Variants in FASLG observed in about 807,000 individuals in gnomAD.
FASLG encodes the protein Fas ligand.
In FASLG, 9 loss-of-function variants were observed where a neutral mutation model predicts 24.6. The observed-to-expected ratio is 0.37, with a 90% CI of 0.22 to 0.64. FASLG has a LOEUF of 0.64. Ranked by LOEUF, FASLG falls within the 30% of genes least tolerant of loss-of-function variation. The probability of loss-of-function intolerance (pLI) is 0.64; values close to 1 mark genes in which losing one functional copy is unlikely to be tolerated. For missense variants in FASLG, 306 were observed against 345.3 expected (o/e 0.89, Z 0.90); for synonymous variants, 130 against 135.5 (o/e 0.96, Z 0.28).
chr1:172,665,383 T>G (rs930253428), intron 3 of FASLG, among the ~76,000 whole-genome samples: 2 of 152,190 alleles, frequency 1.3e-5, no homozygotes, highest in African/African-American at 4.8e-5. Context: ...CAATAATTTC[T>G]TACTGCAATG....
chr1:172,662,313 A>C lies in FASLG; in HGVS notation c.395-2021A>C, dbSNP rs141601365. Among the ~76,000 whole-genome samples the C allele has an allele frequency of 2.0e-5, 3 of 152,276 alleles. No individual in the cohort carries two copies. The East Asian group carries it at 5.8e-4, about 29-fold the overall frequency. The stretch of plus-strand genomic sequence containing the variant: ...TCTCTGGGAGATACTATTATAGATT[A>C]TTTATACTTTCTAATTTGCTCCTTT... On this transcript the variant is annotated intron_variant, in intron 2 of 3. Transcript: ENST00000367721.
intron 1 of FASLG, 33 bp downstream of exon 1, chr1:172,659,582 G>A (rs764540366): frequency 3.1e-6 from 5 of 1,611,380 alleles, no homozygotes; most frequent in Non-Finnish European, 4.2e-6. Flanking sequence ...GTGCCCTGGA[G>A]GCACCAGGCA....
chr1:172,661,765 A>G (rs1028466487), intron 2 of FASLG, among the ~76,000 whole-genome samples: 2 of 152,222 alleles, frequency 1.3e-5, no homozygotes, highest in South Asian at 2.1e-4. Flanking sequence ...ATTAATAAAG[A>G]TTAAAAAAAA....
intron 3 of FASLG, 138 bp from the exon 4 acceptor site, chr1:172,665,484 C>T: frequency 1.1e-6 from 1 of 925,876 alleles, no homozygotes; most frequent in Non-Finnish European, 1.7e-6. Flanking sequence ...AAGTTCTGAC[C>T]CCTCAGCCAG....
intron 2 of FASLG, 91 bp from the exon 3 acceptor site, chr1:172,664,243 C>G: frequency 7.2e-7 from 1 of 1,391,188 alleles, no homozygotes; most frequent in Non-Finnish European, 1.0e-6. Context: ...GTTTTAAAAT[C>G]TTTTTTTTAA....
intron 2 of FASLG, among the ~76,000 whole-genome samples, chr1:172,662,901 C>T (rs1659173583): frequency 6.6e-6 from 1 of 152,054 alleles, no homozygotes; most frequent in African/African-American, 2.4e-5. Context: ...GGGTGGTTTG[C>T]GGTGTAGGAA....
chr1:172,664,244 T>G, intron 2 of FASLG, 90 bp from the exon 3 acceptor site: 3 of 1,382,040 alleles, frequency 2.2e-6, no homozygotes, highest in Non-Finnish European at 3.0e-6. Context: ...TTTTAAAATC[T>G]TTTTTTTAAA....
intron 2 of FASLG, among the ~76,000 whole-genome samples, chr1:172,661,601 A>G (rs557897405): frequency 7.2e-5 from 11 of 152,348 alleles, no homozygotes; most frequent in African/African-American, 2.6e-4. Context: ...TGATCAGGTG[A>G]GTCAGATCCA....
intron 3 of FASLG, among the ~76,000 whole-genome samples, chr1:172,665,411 A>G (rs1659236886): frequency 6.6e-6 from 1 of 152,054 alleles, no homozygotes; most frequent in Non-Finnish European, 1.5e-5. Context: ...GGTATATACT[A>G]TTGTTCCAAT....
At chr1:172,664,197 A>T in intron 2 of FASLG, 137 bp from the exon 3 acceptor site, 1 of 856,290 alleles carries the variant, frequency 1.2e-6, no homozygotes, top group Non-Finnish European at 1.9e-6. Context: ...GTTCAGACCT[A>T]CATGATTAGT....
In FASLG at chr1:172,665,866, C is replaced by T. The variant is rs777956656; in HGVS notation, c.696C>T (p.Tyr232=). Residue 232 remains tyrosine (Y), a synonymous_variant, in exon 4 of 4, where the codon TAC becomes TAT. Transcript: ENST00000367721. ...TGATGGAGGGGAAGATGATGAGCTACTGCACTACTGGGCAGATGTGGGCCC... is the reference window on the plus strand; with the variant it reads ...TGATGGAGGGGAAGATGATGAGCTATTGCACTACTGGGCAGATGTGGGCCC... ...LVMMEGKMMS[Y]CTTGQMWARS... is the part of the protein sequence containing the mutation. The T allele has an allele frequency of 3.1e-6, 5 of 1,613,814 alleles. No homozygotes were observed. The highest frequency in any genetic ancestry group is 3.4e-6 in the Non-Finnish European group (4 of 1,179,792).
Position 172,666,774 on chromosome 1 carries a change from G to A in FASLG, c.*758G>A, listed in dbSNP as rs1174576265. 1 of 152,574 alleles carries A rather than the reference G, an allele frequency of 6.6e-6. No individual in the cohort carries two copies. The highest frequency in any genetic ancestry group is 1.5e-5 in the Non-Finnish European group (1 of 68,014). 9.5% of individuals were successfully genotyped at this position (152,574 alleles called of 1,614,324 possible). On this transcript the variant is annotated 3_prime_UTR_variant, in exon 4 of 4. Transcript: ENST00000367721. The stretch of plus-strand genomic sequence containing the variant: ...AGTGCTTAAAAATCATTGATTGTCA[G>A]CTACTAATGATGTTTTCCTATAATA...
chr1:172,660,872 T>G (rs1007645811), intron 2 of FASLG, among the ~76,000 whole-genome samples: 6 of 152,248 alleles, frequency 3.9e-5, no homozygotes, highest in Admixed American at 6.5e-5. Context: ...AGATAGATTT[T>G]ACAGTGTGCT....
intron 2 of FASLG, among the ~76,000 whole-genome samples, chr1:172,662,416 T>C (rs1185244664): frequency 1.3e-5 from 2 of 152,212 alleles, no homozygotes; most frequent in Admixed American, 1.3e-4. Context: ...TGTTGGGTGT[T>C]GGATGCTGAT....
Position 172,666,555 on chromosome 1 carries a change from G to C in FASLG, c.*539G>C, listed in dbSNP as rs1659272915. 6.2e-6 allele frequency: 1 copy of C among 160,710 alleles called. No homozygotes were observed. The highest frequency in any genetic ancestry group is 1.7e-4 in the South Asian group (1 of 5,756). 10.0% of individuals were successfully genotyped at this position (160,710 alleles called of 1,614,324 possible). ...GTGAAACTAACAGATAAGCAAGAGAGATGTTTTGGGGACTCATTTCATTCC... is the reference window on the plus strand; with the variant it reads ...GTGAAACTAACAGATAAGCAAGAGACATGTTTTGGGGACTCATTTCATTCC... On this transcript the variant is annotated 3_prime_UTR_variant, in exon 4 of 4. Transcript: ENST00000367721.
chr1:172,664,687 A>G lies in FASLG; in HGVS notation c.451+297A>G, dbSNP rs375012701. Reference sequence around the variant, plus strand: ...CAAAGTCCCTTGGGGGATTGGGGGCACAGATCCAAGAGGTGAGAGATGAGA... The same window carrying G: ...CAAAGTCCCTTGGGGGATTGGGGGCGCAGATCCAAGAGGTGAGAGATGAGA... On this transcript the variant is annotated intron_variant, in intron 3 of 3. Coordinates refer to ENST00000367721, the MANE Select transcript of FASLG (RefSeq NM_000639.3). 5.8e-4 allele frequency among the ~76,000 whole-genome samples: 88 copies of G among 152,354 alleles called. No individual in the cohort carries two copies. The South Asian group carries it at 0.017, about 30-fold the overall frequency.
Position 172,666,044 on chromosome 1 carries a change from A to G in FASLG, c.*28A>G. On this transcript the variant is annotated 3_prime_UTR_variant, in exon 4 of 4. Coordinates refer to ENST00000367721, the MANE Select transcript of FASLG (RefSeq NM_000639.3). ...GAAGCACTTTGGGATTCTTTCCATT[A>G]TGATTCTTTGTTACAGGCACCGAGA... is the stretch of plus-strand genomic sequence containing the variant. 4 of 1,613,270 alleles carry G rather than the reference A, an allele frequency of 2.5e-6. No homozygotes were observed. The highest frequency in any genetic ancestry group is 4.5e-5 in the East Asian group (2 of 44,876).
In FASLG at chr1:172,666,019, G is replaced by T. The variant is rs200021473; in HGVS notation, c.*3G>T. On this transcript the variant is annotated 3_prime_UTR_variant, in exon 4 of 4. Coordinates refer to ENST00000367721, the MANE Select transcript of FASLG (RefSeq NM_000639.3). ...TTTTCGGCTTATATAAGCTCTAAGA[G>T]AAGCACTTTGGGATTCTTTCCATTA... 1.6e-4 allele frequency: 257 copies of T among 1,613,874 alleles called. No homozygotes were observed. The highest frequency in any genetic ancestry group is 6.5e-5 in the Non-Finnish European group (77 of 1,180,008).
At chr1:172,659,570 C>G in intron 1 of FASLG, 21 bp downstream of exon 1, 1 of 1,612,528 alleles carries the variant, frequency 6.2e-7, no homozygotes, top group Non-Finnish European at 8.5e-7. Flanking sequence ...CGGCAGACTG[C>G]TGTGCCCTGG....
Sources: allele counts gnomAD v4.1 joint callset (sites outside exome capture counted in the v4.1 genomes callset), GRCh38; gene constraint gnomAD v4.1.1; transcripts MANE v1.5; gene names NCBI Gene and HGNC (gene_info 2026-07-23, HGNC 2026-07-21).